The following DBNL variants were observed in gnomAD, a reference collection of about 807,000 sequenced individuals.
DBNL encodes drebrin like.
Under a neutral mutation model 62.2 loss-of-function variants are expected in DBNL, and 35 were observed. The observed-to-expected ratio is 0.56, with a 90% CI of 0.43 to 0.75. DBNL has a LOEUF of 0.75. DBNL is among the 30% of genes least tolerant of loss of function. DBNL has a pLI of 0.00. For missense variants in DBNL, 495 were observed against 578.4 expected (o/e 0.86, Z 1.48); for synonymous variants, 197 against 218.0 (o/e 0.90, Z 0.85).
chr7:44,058,266 G>A lies in DBNL; in HGVS notation c.690G>A (p.Glu230=). ...AGCGCTATCAGGAGCAGGGTGGCGA[G>A]GCCAGCCCCCAGAGGTGAGCCAGAG... The part of the protein sequence containing the change: ...REQRYQEQGG[E]ASPQRTWEQQ... Residue 230 remains glutamate (E), a synonymous_variant, in exon 7 of 13, where the codon GAG becomes GAA. Coordinates refer to ENST00000448521, the MANE Select transcript of DBNL (RefSeq NM_001014436.3). 7 of 1,576,158 alleles carry A rather than the reference G, an allele frequency of 4.4e-6. No homozygotes were observed. In the South Asian group the frequency reaches 8.1e-5, roughly 18 times the overall value.
In DBNL at chr7:44,062,730, T is replaced by C. The variant is rs773984693; in HGVS notation, c.*1814T>C. ...ACGGCTGCGCTGGACTCCAGGCTGT[T>C]GGGGGAGGTGCCTTTATTGCCCAAG... On this transcript the variant is annotated 3_prime_UTR_variant, in exon 13 of 13. Transcript: ENST00000448521. 6.1e-5 allele frequency: 98 copies of C among 1,611,388 alleles called. 1 individual carries two copies. Among genetic ancestry groups the C allele is most frequent in the Middle Eastern group, 1.8e-4 (1 of 5,598 alleles).
Position 44,064,944 on chromosome 7 carries a change from G to A in DBNL, c.*4028G>A. 2 of 1,609,822 alleles carry A rather than the reference G, an allele frequency of 1.2e-6. No individual in the cohort carries two copies. The highest frequency in any genetic ancestry group is 1.7e-6 in the Non-Finnish European group (2 of 1,179,716). On this transcript the variant is annotated 3_prime_UTR_variant, in exon 13 of 13. Transcript: ENST00000448521. The stretch of plus-strand genomic sequence containing the variant: ...CCTCGTTCCAGAAGGGCAGGGCCCG[G>A]GCAATGGTGTCCTTGAGGCTCTCGC...
In DBNL at chr7:44,044,767, A is replaced by G. The variant is rs1280804314; in HGVS notation, c.30A>G (p.Pro10=). Residue 10 remains proline, a synonymous_variant, in exon 1 of 13, where the codon CCA becomes CCG. Coordinates refer to ENST00000448521, the MANE Select transcript of DBNL (RefSeq NM_001014436.3). ...CGGCGAACCTGAGCCGGAACGGGCC[A>G]GCGCTGCAAGAGGCCTACGTGCGGG... MAANLSRNG[P]ALQEAYVRVV... The G allele has an allele frequency of 1.3e-6, 2 of 1,508,668 alleles. No homozygotes were observed. Among genetic ancestry groups the G allele is most frequent in the Admixed American group, 2.2e-5 (1 of 46,282 alleles). 93.5% of individuals were successfully genotyped at this position (1,508,668 alleles called of 1,614,324 possible).
rs561872675 is a variant in DBNL, at chr7:44,062,609, G to A, written c.*1693G>A. On this transcript the variant is annotated 3_prime_UTR_variant, in exon 13 of 13. Transcript: ENST00000448521. ...GACTAGGTGTGGGTACTAGGCTCCT[G>A]CCCCTGGTGACACACGTATGGAGTG... 6 of 732,630 alleles carry A rather than the reference G, an allele frequency of 8.2e-6. No individual in the cohort carries two copies. The highest frequency in any genetic ancestry group is 1.4e-5 in the Non-Finnish European group (6 of 431,212). The allele number at this position is 732,630 out of a possible 1,614,324, so 45.4% of individuals were successfully genotyped here.
At chr7:44,046,219 C>A (rs925138134) in intron 1 of DBNL, among the ~76,000 whole-genome samples, 7 of 152,156 alleles carry the variant, frequency 4.6e-5, no homozygotes, top group African/African-American at 1.7e-4. Flanking sequence ...GAATCTTTGC[C>A]CCTCTTCAGC....
chr7:44,050,127 C>T, intron 1 of DBNL, 98 bp from the exon 2 acceptor site: 2 of 1,402,590 alleles, frequency 1.4e-6, no homozygotes, highest in South Asian at 2.3e-5. Flanking sequence ...ACTGTCAGCC[C>T]AAGCTCTTTG....
intron 4 of DBNL, among the ~76,000 whole-genome samples, chr7:44,053,470 GA>G (rs1414169599): frequency 6.6e-6 from 1 of 152,192 alleles, no homozygotes; most frequent in Non-Finnish European, 1.5e-5. Context: ...AGGAGACTCA[GA>G]ATTTTGATTT....
At chr7:44,045,740 G>A (rs28480521) in intron 1 of DBNL, among the ~76,000 whole-genome samples, 2 of 152,124 alleles carry the variant, frequency 1.3e-5, no homozygotes, top group African/African-American at 4.8e-5. Flanking sequence ...TCTGCTCTCC[G>A]TAGTGCCCAG....
Position 44,051,850 on chromosome 7 carries a change from G to A in DBNL, c.160G>A (p.Val54Met). The change falls in exon 3 of 13, where the codon GTG becomes ATG. Residue 54 changes from valine (V) to methionine (M), a missense_variant. Coordinates refer to ENST00000448521, the MANE Select transcript of DBNL (RefSeq NM_001014436.3). ...GTGEGGLEEM[V>M]EELNSGKVMY... ...TGCAGAGGGTGGCCTGGAGGAGATG[G>A]TGGAGGAGCTCAACAGCGGGAAGGT... 6.2e-7 allele frequency: 1 copy of A among 1,614,152 alleles called. No homozygotes were observed. The highest frequency in any genetic ancestry group is 8.5e-7 in the Non-Finnish European group (1 of 1,180,014).
At chr7:44,051,546 C>T (rs2096126680) in intron 2 of DBNL, 1 of 274,544 alleles carries the variant, frequency 3.6e-6, no homozygotes, top group East Asian at 7.4e-5. Flanking sequence ...TCCAGAATTA[C>T]CTCTGGGTTT....
At chr7:44,050,527 C>A in intron 2 of DBNL, 1 of 398,504 alleles carries the variant, frequency 2.5e-6, no homozygotes. Context: ...GGGAAACAGG[C>A]CTCTCCAGCT....
intron 2 of DBNL, chr7:44,051,584 G>T (rs186541365): frequency 1.7e-5 from 6 of 347,434 alleles, no homozygotes; most frequent in African/African-American, 1.3e-4. Flanking sequence ...ACGAGTGTGG[G>T]TAAAAAAAAT....
Position 44,064,970 on chromosome 7 carries a change from A to G in DBNL, c.*4054A>G. ...GCAATGGTGTCCTTGAGGCTCTCGC[A>G]GGTGGGGAGTTCCCCGGGCTTCAGG... On this transcript the variant is annotated 3_prime_UTR_variant, in exon 13 of 13. Transcript: ENST00000448521. 1.2e-6 allele frequency: 2 copies of G among 1,607,692 alleles called. No individual in the cohort carries two copies. The highest frequency in any genetic ancestry group is 8.5e-7 in the Non-Finnish European group (1 of 1,179,636).
Position 44,060,203 on chromosome 7 carries a change from G to C in DBNL, c.1153+50G>C. On this transcript the variant is annotated intron_variant, in intron 12 of 12. Coordinates refer to ENST00000448521, the MANE Select transcript of DBNL (RefSeq NM_001014436.3). The surrounding 1 kb of genome is among the most constrained non-coding windows in gnomAD (Gnocchi z 6.3). ...ACAGACCACAGGGTCCTGAGGTTAG[G>C]AGACAAGAGGGTCTGGGGTTTTATG... 6.6e-7 allele frequency: 1 copy of C among 1,525,400 alleles called. No individual in the cohort carries two copies. Among genetic ancestry groups the C allele is most frequent in the Admixed American group, 1.8e-5 (1 of 56,572 alleles). 94.5% of individuals were successfully genotyped at this position (1,525,400 alleles called of 1,614,324 possible). A position where few individuals can be genotyped will look rare whatever the true frequency, so the allele number is the denominator to read the frequency against.
rs375241613 is a variant in DBNL, at chr7:44,052,997, C to T, written c.327+56C>T. The T allele has an allele frequency of 3.9e-4, 619 of 1,581,886 alleles. 4 individuals carry two copies. Among genetic ancestry groups the T allele is most frequent in the East Asian group, 1.4e-4 (6 of 43,404 alleles). On this transcript the variant is annotated intron_variant, in intron 4 of 12. Transcript: ENST00000448521. ...AACAGGCCTCACAGGCTTGAGGTCT[C>T]GCAGGTTCCTGGGTGCGAGCAAGTG...
At chr7:44,055,456 ACT>A (rs1377209029) in intron 4 of DBNL, among the ~76,000 whole-genome samples, 1 of 151,956 alleles carries the variant, frequency 6.6e-6, no homozygotes, top group South Asian at 2.1e-4. Flanking sequence ...ACAGAGTAAG[ACT>A]CTGTCTCAGA....
At position 44,059,920 on chromosome 7, in the gene DBNL, C is replaced by T; in HGVS notation, c.1048-128C>T. The T allele has an allele frequency of 4.3e-6, 4 of 939,018 alleles. No homozygotes were observed. The highest frequency in any genetic ancestry group is 6.5e-6 in the Non-Finnish European group (4 of 610,900). 58.2% of individuals were successfully genotyped at this position (939,018 alleles called of 1,614,324 possible). On this transcript the variant is annotated intron_variant, in intron 11 of 12. Coordinates refer to ENST00000448521, the MANE Select transcript of DBNL (RefSeq NM_001014436.3). The surrounding 1 kb of genome is among the most constrained non-coding windows in gnomAD (Gnocchi z 4.1). ...TCTGGTAGGGCGGGGACAGCAGCAG[C>T]CCAGCCCCCGAGCCTGTAGACTGCT...
Position 44,060,004 on chromosome 7 carries a change from G to A in DBNL, c.1048-44G>A, listed in dbSNP as rs750112889. 8 of 1,583,436 alleles carry A rather than the reference G, an allele frequency of 5.1e-6. No homozygotes were observed. Among genetic ancestry groups the A allele is most frequent in the Non-Finnish European group, 6.9e-6 (8 of 1,157,070 alleles). On this transcript the variant is annotated intron_variant, in intron 11 of 12. Transcript: ENST00000448521. The surrounding 1 kb of genome is among the most constrained non-coding windows in gnomAD (Gnocchi z 6.3). Reference sequence around the variant, plus strand: ...ATGTGGGGCAGAGCAGCGATTGTGTGTAAGGGCTGAGTCTGGGGTAACACC... The same window carrying A: ...ATGTGGGGCAGAGCAGCGATTGTGTATAAGGGCTGAGTCTGGGGTAACACC...
chr7:44,064,935 C>T lies in DBNL; in HGVS notation c.*4019C>T. The T allele has an allele frequency of 1.2e-6, 2 of 1,610,336 alleles. No individual in the cohort carries two copies. Among genetic ancestry groups the T allele is most frequent in the South Asian group, 1.1e-5 (1 of 90,802 alleles). On this transcript the variant is annotated 3_prime_UTR_variant, in exon 13 of 13. Transcript: ENST00000448521. ...GAACAATCTCCTCGTTCCAGAAGGG[C>T]AGGGCCCGGGCAATGGTGTCCTTGA...
Sources: allele counts gnomAD v4.1 joint callset (sites outside exome capture counted in the v4.1 genomes callset), GRCh38; gene constraint gnomAD v4.1.1; non-coding constraint Gnocchi (gnomAD v3.1); transcripts MANE v1.5; gene names NCBI Gene and HGNC (gene_info 2026-07-23, HGNC 2026-07-21).